NOD1: variants seen among roughly 807,000 people sequenced by gnomAD.
NOD1 encodes the protein nucleotide-binding oligomerization domain-containing protein 1.
NOD1 carries 70 observed loss-of-function variants against 81.2 expected under a neutral mutation model. The observed-to-expected ratio is 0.86, with a 90% confidence interval of 0.71 to 1.05. NOD1 has a LOEUF of 1.05. Ranked by LOEUF, NOD1 falls within the 50% of genes least tolerant of loss-of-function variation. NOD1 has a pLI of 0.00. For synonymous variants in NOD1, 508 were observed against 526.9 expected, an observed-to-expected ratio of 0.96 and a Z score of 0.49; for missense variants, 1,233 against 1,228.0, an observed-to-expected ratio of 1.00 and a Z score of -0.06.
intron 1 of NOD1, chr7:30,463,480 T>C (rs1026389527): frequency 2.0e-5 from 3 of 152,542 alleles, no homozygotes; most frequent in Admixed American, 2.0e-4. Context: ...TATATTAATA[T>C]CTCGTGAGGT....
In NOD1 at chr7:30,456,965, C is replaced by T. The variant is rs565900613; in HGVS notation, c.-44G>A. 6.5e-6 allele frequency: 10 copies of T among 1,540,026 alleles called. No homozygotes were observed. Among genetic ancestry groups the T allele is most frequent in the African/African-American group, 4.1e-5 (3 of 73,562 alleles). ...CTACTTTTCCCAAATTCATCTTCAGCTGCGTGTGTCCTCTCAGCAGAAGGG... is the reference window on the plus strand; with the variant it reads ...CTACTTTTCCCAAATTCATCTTCAGTTGCGTGTGTCCTCTCAGCAGAAGGG... On this transcript the variant is annotated 5_prime_UTR_variant, in exon 4 of 14. Transcript: ENST00000222823.
intron 1 of NOD1, chr7:30,460,247 A>G (rs1786885535): frequency 1.0e-6 from 1 of 985,452 alleles, no homozygotes; most frequent in Non-Finnish European, 1.2e-6. Context: ...AAACCATACC[A>G]TGGGAGACTG....
intron 9 of NOD1, 34 bp from the exon 10 acceptor site, chr7:30,437,690 C>A: frequency 6.9e-7 from 1 of 1,441,718 alleles, no homozygotes; most frequent in South Asian, 1.4e-5. Flanking sequence ...AATGTTAGCT[C>A]CCCAAGAAAC....
intron 4 of NOD1, among the ~76,000 whole-genome samples, chr7:30,455,679 G>A (rs953637537): frequency 2.0e-5 from 3 of 150,820 alleles, no homozygotes; most frequent in African/African-American, 7.3e-5. Context: ...TTGGCTCACT[G>A]CAACCTCCAC....
In NOD1 at chr7:30,452,765, G is replaced by C. The variant is rs1785923188; in HGVS notation, c.652C>G (p.Leu218Val). The C allele has an allele frequency of 6.2e-7, 1 of 1,613,990 alleles. No individual in the cohort carries two copies. Among genetic ancestry groups the C allele is most frequent in the African/African-American group, 1.3e-5 (1 of 74,956 alleles). The part of the protein sequence containing the change: ...KSMLLQRLQS[L>V]WATGRLDAGV... ...GCGTCTAGCCGGCCCGTGGCCCAGA[G>C]GCTCTGCAGCCGCTGTAGCAGCATG... is the stretch of plus-strand genomic sequence containing the variant. Residue 218 changes from leucine (L) to valine (V), a missense_variant, in exon 6 of 14, where the codon CTC (leucine) becomes GTC (valine). Transcript: ENST00000222823.
intron 12 of NOD1, among the ~76,000 whole-genome samples, chr7:30,430,547 T>C (rs1389859000): frequency 6.6e-6 from 1 of 152,306 alleles, no homozygotes; most frequent in East Asian, 1.9e-4. Flanking sequence ...TATGCTGTCA[T>C]GAATGAAGAG....
rs1785779187 is a variant in NOD1, at chr7:30,452,009, C to A, written c.1408G>T (p.Gly470Cys). ...AAGACAAAGAGGCTCTTCTCCATGCCCCGGTGGGCCACCTGCCCCAGCGAG... is the reference window on the plus strand; with the variant it reads ...AAGACAAAGAGGCTCTTCTCCATGCACCGGTGGGCCACCTGCCCCAGCGAG... ...LCSLGQVAHRGMEKSLFVFTQ... is the reference protein window; with the variant it reads ...LCSLGQVAHRCMEKSLFVFTQ... The change falls in exon 6 of 14, where the codon GGC (glycine) becomes TGC (cysteine). Residue 470 changes from glycine to cysteine, a missense_variant. Gly to Cys is a radical substitution (Grantham distance 159, BLOSUM62 -3). Coordinates refer to ENST00000222823, the MANE Select transcript of NOD1 (RefSeq NM_006092.4). The A allele has an allele frequency of 6.2e-7, 1 of 1,613,534 alleles. No homozygotes were observed. Among genetic ancestry groups the A allele is most frequent in the South Asian group, 1.1e-5 (1 of 91,084 alleles).
chr7:30,429,398 C>T lies in NOD1; in HGVS notation c.2765G>A (p.Ser922Asn), dbSNP rs762916358. ...CCAAATCTCTGTTATGCCAGTGTTG[C>T]TCTGTAACGCATCTGCCAGCTGGGC... ...GTAQLADALQ[S>N]NTGITEICLN... Residue 922 changes from serine to asparagine, a missense_variant, in exon 13 of 14, where the codon AGC becomes AAC. Ser to Asn is a conservative substitution (Grantham distance 46, BLOSUM62 1). Transcript: ENST00000222823. 6.2e-7 allele frequency: 1 copy of T among 1,614,150 alleles called. No homozygotes were observed. The highest frequency in any genetic ancestry group is 2.2e-5 in the East Asian group (1 of 44,886).
intron 7 of NOD1, chr7:30,447,281 A>C: frequency 1.7e-6 from 1 of 582,944 alleles, no homozygotes; most frequent in Non-Finnish European, 3.1e-6. Flanking sequence ...TCTGTGCCTC[A>C]GTTTCTCCAT....
intron 1 of NOD1, among the ~76,000 whole-genome samples, chr7:30,477,838 G>C (rs1788947664): frequency 6.6e-6 from 1 of 151,928 alleles, no homozygotes; most frequent in East Asian, 1.9e-4. Context: ...CACCCTTAAA[G>C]CAGAAAGGCC....
chr7:30,436,618 C>T (rs1048115747), intron 10 of NOD1, among the ~76,000 whole-genome samples: 1 of 152,232 alleles, frequency 6.6e-6, no homozygotes, highest in Non-Finnish European at 1.5e-5. Context: ...CAGCATCATC[C>T]TGAGGACAAG....
intron 1 of NOD1, among the ~76,000 whole-genome samples, chr7:30,472,336 CTG>C (rs1448873902): frequency 4.6e-5 from 7 of 152,216 alleles, no homozygotes; most frequent in African/African-American, 1.7e-4. Context: ...TTTGAACCCA[CTG>C]TTCTCTGCAT....
chr7:30,433,361 C>A, intron 11 of NOD1, 182 bp from the exon 12 acceptor site: 1 of 577,114 alleles, frequency 1.7e-6, no homozygotes. Flanking sequence ...GTCAATGGGA[C>A]TCATTTTTAA....
At chr7:30,464,890 A>G (rs982633621) in intron 1 of NOD1, among the ~76,000 whole-genome samples, 1 of 152,194 alleles carries the variant, frequency 6.6e-6, no homozygotes, top group Non-Finnish European at 1.5e-5. Flanking sequence ...TAATGAGCGA[A>G]TCATTTACTA....
intron 1 of NOD1, among the ~76,000 whole-genome samples, chr7:30,469,820 C>T (rs2128102473): frequency 6.6e-6 from 1 of 152,362 alleles, no homozygotes; most frequent in Admixed American, 6.5e-5. Flanking sequence ...ATCCAAGTCT[C>T]CTGGCTGCGA....
intron 10 of NOD1, among the ~76,000 whole-genome samples, chr7:30,437,001 A>T (rs1427277457): frequency 6.6e-6 from 1 of 152,230 alleles, no homozygotes. Flanking sequence ...TAGACTGGAT[A>T]AAGAAAATGT....
At position 30,451,005 on chromosome 7, in the gene NOD1, G is replaced by C. The variant is rs1785633019; in HGVS notation, c.2201+211C>G. 2.0e-5 allele frequency among the ~76,000 whole-genome samples: 3 copies of C among 152,188 alleles called. No individual in the cohort carries two copies. On this transcript the variant is annotated intron_variant, in intron 6 of 13. Transcript: ENST00000222823. The surrounding 1 kb of genome is among the most constrained non-coding windows in gnomAD (Gnocchi z 4.2). Reference sequence around the variant, plus strand: ...GGAGGCTCTGAGAGTTAAGCACTTTGTTCAAGGGCACCCAGCTGTGGCTGA... The same window carrying C: ...GGAGGCTCTGAGAGTTAAGCACTTTCTTCAAGGGCACCCAGCTGTGGCTGA...
chr7:30,452,905 T>A lies in NOD1; in HGVS notation c.512A>T (p.Asn171Ile). 6.2e-7 allele frequency: 1 copy of A among 1,614,030 alleles called. No individual in the cohort carries two copies. The highest frequency in any genetic ancestry group is 8.5e-7 in the Non-Finnish European group (1 of 1,180,016). The change falls in exon 6 of 14, where the codon AAT becomes ATT. Residue 171 changes from asparagine (N) to isoleucine (I), a missense_variant. Physicochemically the swap from Asn to Ile is moderately radical, Grantham distance 149 (BLOSUM62 -3). Coordinates refer to ENST00000222823, the MANE Select transcript of NOD1 (RefSeq NM_006092.4). ...DTIMELVGFS[N>I]ESLGSLNSLA... is the part of the protein sequence containing the mutation. The stretch of plus-strand genomic sequence containing the variant: ...GCTGTTCAGGCTGCCCAGGCTCTCA[T>A]TGCTGAAGCCAACCAGCTCCATGAT...
chr7:30,456,828 T>A lies in NOD1; in HGVS notation c.94A>T (p.Thr32Ser). The A allele has an allele frequency of 1.2e-6, 2 of 1,614,148 alleles. No individual in the cohort carries two copies. The highest frequency in any genetic ancestry group is 1.7e-6 in the Non-Finnish European group (2 of 1,180,004). Residue 32 changes from threonine to serine, a missense_variant, in exon 4 of 14, where the codon ACT becomes TCT. Coordinates refer to ENST00000222823, the MANE Select transcript of NOD1 (RefSeq NM_006092.4). ...LLKSNRELLV[T>S]HIRNTQCLVD... ...AGACACTGAGTATTGCGGATGTGAGTGACCAGAAGTTCCCGATTGCTTTTC... is the reference window on the plus strand; with the variant it reads ...AGACACTGAGTATTGCGGATGTGAGAGACCAGAAGTTCCCGATTGCTTTTC...
Sources: allele counts gnomAD v4.1 joint callset (sites outside exome capture counted in the v4.1 genomes callset), GRCh38; gene constraint gnomAD v4.1.1; non-coding constraint Gnocchi (gnomAD v3.1); transcripts MANE v1.5; gene names NCBI Gene and HGNC (gene_info 2026-07-23, HGNC 2026-07-21).